TMEM207: variants seen among roughly 807,000 people sequenced by gnomAD.
The protein encoded by TMEM207 is transmembrane protein 207.
TMEM207 carries 15 observed loss-of-function variants against 17.4 expected under a neutral mutation model. The ratio of observed to expected loss-of-function variants is 0.86; its 90% confidence interval spans 0.58 to 1.33. The LOEUF (loss-of-function observed/expected upper bound fraction) is 1.33. Among genes scored for constraint, TMEM207 ranks in the 40% most tolerant of loss-of-function variants. TMEM207 has a pLI of 0.00. For synonymous variants in TMEM207, 70 were observed against 65.6 expected (o/e 1.07, Z -0.33); for missense variants, 205 against 173.8 (o/e 1.18, Z -1.01).
chr3:190,448,344 A>T (rs1234029567), intron 1 of TMEM207, among the ~76,000 whole-genome samples: 2 of 152,174 alleles, frequency 1.3e-5, no homozygotes, highest in African/African-American at 2.4e-5. Flanking sequence ...TTAAGATCAC[A>T]TGACATTCCA....
intron 4 of TMEM207, among the ~76,000 whole-genome samples, chr3:190,432,029 G>A (rs1719703340): frequency 6.6e-6 from 1 of 152,112 alleles, no homozygotes; most frequent in Admixed American, 6.5e-5. Flanking sequence ...GGGGAGGACA[G>A]GCATTTTTAT....
intron 2 of TMEM207, among the ~76,000 whole-genome samples, chr3:190,443,533 T>C (rs1202627364): frequency 5.3e-5 from 8 of 152,154 alleles, no homozygotes; most frequent in Admixed American, 5.2e-4. Context: ...AGATCATTTA[T>C]TGACCTTTAG....
At chr3:190,439,108 G>C (rs375828434) in intron 4 of TMEM207, among the ~76,000 whole-genome samples, 11,432 of 140,124 alleles carry the variant, frequency 0.082, 348 homozygotes, top group Non-Finnish European at 0.11. Flanking sequence ...ACCCGGGAGG[G>C]GGAGCTTGCA....
At chr3:190,439,930 C>G (rs750763732) in intron 4 of TMEM207, among the ~76,000 whole-genome samples, 1 of 152,110 alleles carries the variant, frequency 6.6e-6, no homozygotes, top group Admixed American at 6.5e-5. Context: ...TTTGCAGTAC[C>G]CTAAACCCTA....
chr3:190,446,971 T>C (rs1430730835), intron 2 of TMEM207, among the ~76,000 whole-genome samples: 1 of 152,102 alleles, frequency 6.6e-6, no homozygotes. Flanking sequence ...TCGAGAGCCA[T>C]GCAAAAGCTG....
chr3:190,439,184 A>G (rs1396503210), intron 4 of TMEM207, among the ~76,000 whole-genome samples: 1 of 151,176 alleles, frequency 6.6e-6, no homozygotes, highest in Non-Finnish European at 1.5e-5. Context: ...CTCAAAAAAA[A>G]AAAAAAAAAA....
Position 190,428,983 on chromosome 3 carries a change from T to C in TMEM207, c.*612A>G, listed in dbSNP as rs903693371. 1.3e-5 allele frequency: 2 copies of C among 152,294 alleles called. No individual in the cohort carries two copies. The highest frequency in any genetic ancestry group is 4.8e-5 in the African/African-American group (2 of 41,450). 9.4% of individuals were successfully genotyped at this position (152,294 alleles called of 1,614,324 possible). On this transcript the variant is annotated 3_prime_UTR_variant, in exon 5 of 5. Transcript: ENST00000354905. Reference sequence around the variant, plus strand: ...TATGTGCTCTATATCTTCAGCAATCTCCTTCACCTTCTATCTACAATTTCT... The same window carrying C: ...TATGTGCTCTATATCTTCAGCAATCCCCTTCACCTTCTATCTACAATTTCT...
chr3:190,440,128 C>CAAT (rs1248218443), intron 4 of TMEM207, 116 bp downstream of exon 4: 5 of 1,283,848 alleles, frequency 3.9e-6, no homozygotes. Flanking sequence ...TTGGTGTCTC[C>CAAT]AATAAGCCAC....
chr3:190,444,803 G>A (rs1720009852), intron 2 of TMEM207, among the ~76,000 whole-genome samples: 1 of 152,050 alleles, frequency 6.6e-6, no homozygotes, highest in South Asian at 2.1e-4. Flanking sequence ...GTTAACATAA[G>A]AACAATGTTT....
intron 4 of TMEM207, among the ~76,000 whole-genome samples, chr3:190,431,363 T>G (rs1384919190): frequency 6.6e-6 from 1 of 152,124 alleles, no homozygotes; most frequent in Non-Finnish European, 1.5e-5. Flanking sequence ...TGTCAAGAGC[T>G]GTACTAATGA....
chr3:190,429,807 T>C, intron 4 of TMEM207, 76 bp from the exon 5 acceptor site: 1 of 1,434,350 alleles, frequency 7.0e-7, no homozygotes, highest in Non-Finnish European at 9.2e-7. Flanking sequence ...CCCGATAAAA[T>C]CTGGCATTGC....
chr3:190,442,049 T>A (rs1719947818), intron 2 of TMEM207, among the ~76,000 whole-genome samples: 1 of 152,204 alleles, frequency 6.6e-6, no homozygotes, highest in African/African-American at 2.4e-5. Context: ...ACTCCTTCAG[T>A]CAGGAAGTTG....
In TMEM207 at chr3:190,429,647, A is replaced by T; in HGVS notation, c.389T>A (p.Phe130Tyr). The T allele has an allele frequency of 1.2e-6, 2 of 1,613,636 alleles. No homozygotes were observed. Among genetic ancestry groups the T allele is most frequent in the Non-Finnish European group, 1.7e-6 (2 of 1,179,684 alleles). The change falls in exon 5 of 5, where the codon TTT becomes TAT. Residue 130 changes from phenylalanine (F) to tyrosine (Y), a missense_variant. Phe to Tyr is a conservative substitution (Grantham distance 22). Coordinates refer to ENST00000354905, the MANE Select transcript of TMEM207 (RefSeq NM_207316.3). ...PDLYPVPAPC[F>Y]GPLGSPPPYE... ...TGGAGGTGGGGAGCCTAAAGGGCCA[A>T]AACATGGAGCAGGAACAGGATATAG...
At position 190,429,539 on chromosome 3, in the gene TMEM207, A is replaced by G; in HGVS notation, c.*56T>C. ...ACTGAAATAACTATTCCTAAATTTGATGTTTTGGAATTACAGATGTCGTTA... is the reference window on the plus strand; with the variant it reads ...ACTGAAATAACTATTCCTAAATTTGGTGTTTTGGAATTACAGATGTCGTTA... On this transcript the variant is annotated 3_prime_UTR_variant, in exon 5 of 5. Coordinates refer to ENST00000354905, the MANE Select transcript of TMEM207 (RefSeq NM_207316.3). 1 of 1,592,816 alleles carries G rather than the reference A, an allele frequency of 6.3e-7. No homozygotes were observed. The highest frequency in any genetic ancestry group is 8.6e-7 in the Non-Finnish European group (1 of 1,163,084).
chr3:190,443,999 T>C (rs534820909), intron 2 of TMEM207, among the ~76,000 whole-genome samples: 1 of 152,352 alleles, frequency 6.6e-6, no homozygotes, highest in East Asian at 1.9e-4. Context: ...AGATGATTTC[T>C]GTGCAATACG....
chr3:190,434,832 A>C (rs927380750), intron 4 of TMEM207, among the ~76,000 whole-genome samples: 1 of 152,350 alleles, frequency 6.6e-6, no homozygotes, highest in South Asian at 2.1e-4. Context: ...AGATGAGTGA[A>C]GTTCAGGGGA....
intron 2 of TMEM207, among the ~76,000 whole-genome samples, chr3:190,446,909 G>A (rs1294498401): frequency 6.6e-6 from 1 of 152,136 alleles, no homozygotes; most frequent in African/African-American, 2.4e-5. Flanking sequence ...ATCACAAACA[G>A]CATAAGACAG....
chr3:190,429,422 A>T lies in TMEM207; in HGVS notation c.*173T>A. ...AAGCCTGCTACTTTACTATTTAAAC[A>T]TCTCCATGACCAAAATTTTTTCCAA... On this transcript the variant is annotated 3_prime_UTR_variant, in exon 5 of 5. Coordinates refer to ENST00000354905, the MANE Select transcript of TMEM207 (RefSeq NM_207316.3). The T allele has an allele frequency of 2.5e-6, 2 of 790,160 alleles. No homozygotes were observed. Among genetic ancestry groups the T allele is most frequent in the Non-Finnish European group, 3.9e-6 (2 of 516,482 alleles). The allele number at this position is 790,160 out of a possible 1,614,324, so 48.9% of individuals were successfully genotyped here. A position where few individuals can be genotyped will look rare whatever the true frequency, so the allele number is the denominator to read the frequency against.
At chr3:190,432,364 C>G (rs371127746) in intron 4 of TMEM207, among the ~76,000 whole-genome samples, 3 of 152,146 alleles carry the variant, frequency 2.0e-5, no homozygotes, top group African/African-American at 7.2e-5. Context: ...TGCTTAATCT[C>G]TAAGTGCCTT....
Sources: allele counts gnomAD v4.1 joint callset (sites outside exome capture counted in the v4.1 genomes callset), GRCh38; gene constraint gnomAD v4.1.1; transcripts MANE v1.5; gene names NCBI Gene and HGNC (gene_info 2026-07-23, HGNC 2026-07-21).